ARHGEF4: variants seen among roughly 807,000 people sequenced by gnomAD.
The protein encoded by ARHGEF4 is Rho guanine nucleotide exchange factor 4.
Under a neutral mutation model 162.0 loss-of-function variants are expected in ARHGEF4, and 119 were observed. That is an observed-to-expected ratio of 0.73 (90% CI 0.63 to 0.86). ARHGEF4 has a LOEUF of 0.86. Among genes scored for constraint, ARHGEF4 ranks in the 40% least tolerant of loss-of-function variants. The pLI, the probability that ARHGEF4 is intolerant of heterozygous loss-of-function variation, is 0.00. For synonymous variants in ARHGEF4, 1,014 were observed against 979.9 expected, an observed-to-expected ratio of 1.03 and a Z score of -0.65; for missense variants, 2,488 against 2,456.0, an observed-to-expected ratio of 1.01 and a Z score of -0.28.
chr2:130,853,098 C>T (rs1681525827), intron 1 of ARHGEF4, among the ~76,000 whole-genome samples: 1 of 152,198 alleles, frequency 6.6e-6, no homozygotes, highest in Non-Finnish European at 1.5e-5. Context: ...GGGGCTGTTT[C>T]TCAAATGTCC....
intron 1 of ARHGEF4, among the ~76,000 whole-genome samples, chr2:130,913,065 G>A (rs60555667): frequency 1.1e-4 from 16 of 152,110 alleles, no homozygotes; most frequent in Admixed American, 4.6e-4. Flanking sequence ...TTCGGTACTG[G>A]GGGGGAGTGG....
At chr2:130,883,569 G>T (rs1057050471) in intron 1 of ARHGEF4, among the ~76,000 whole-genome samples, 11 of 152,152 alleles carry the variant, frequency 7.2e-5, no homozygotes, top group Non-Finnish European at 1.3e-4. Context: ...TGTCTTGCAT[G>T]GTGTTGACTT....
At chr2:130,920,770 G>T (rs1681825687) in intron 2 of ARHGEF4, among the ~76,000 whole-genome samples, 1 of 152,154 alleles carries the variant, frequency 6.6e-6, no homozygotes, top group African/African-American at 2.4e-5. Flanking sequence ...TTTACTTCTA[G>T]ATTTCTTCCA....
intron 1 of ARHGEF4, among the ~76,000 whole-genome samples, chr2:130,883,045 C>T (rs1372741903): frequency 6.6e-6 from 1 of 152,098 alleles, no homozygotes; most frequent in African/African-American, 2.4e-5. Flanking sequence ...GATGCATCTC[C>T]TGTCCCCTTT....
intron 8 of ARHGEF4, 83 bp from the exon 9 acceptor site, chr2:131,041,147 G>A: frequency 7.5e-7 from 1 of 1,333,914 alleles, no homozygotes; most frequent in South Asian, 1.3e-5. Flanking sequence ...GAAATGTAGA[G>A]GCTCTTGCCC....
chr2:130,952,340 A>C (rs1684009754), intron 4 of ARHGEF4, among the ~76,000 whole-genome samples: 1 of 152,236 alleles, frequency 6.6e-6, no homozygotes, highest in African/African-American at 2.4e-5. Flanking sequence ...TCTTTTTAGC[A>C]GGCCTTTGAC....
At chr2:130,869,429 G>A (rs111811181) in intron 1 of ARHGEF4, among the ~76,000 whole-genome samples, 1 of 152,228 alleles carries the variant, frequency 6.6e-6, no homozygotes, top group Non-Finnish European at 1.5e-5. Context: ...CACTGGTGGT[G>A]TCACTGACTG....
chr2:130,948,109 A>G (rs1176797270), intron 4 of ARHGEF4, among the ~76,000 whole-genome samples: 1 of 152,204 alleles, frequency 6.6e-6, no homozygotes, highest in Non-Finnish European at 1.5e-5. Flanking sequence ...ATGACGGTGC[A>G]TGATGGTTGG....
At chr2:130,952,096 T>A (rs758787336) in intron 4 of ARHGEF4, among the ~76,000 whole-genome samples, 17 of 152,192 alleles carry the variant, frequency 1.1e-4, no homozygotes, top group Non-Finnish European at 2.1e-4. Context: ...TATAATTACA[T>A]CATTACCTTT....
chr2:131,006,164 C>T (rs528933614), intron 4 of ARHGEF4, among the ~76,000 whole-genome samples: 1 of 152,224 alleles, frequency 6.6e-6, no homozygotes, highest in Non-Finnish European at 1.5e-5. Flanking sequence ...GACCTCAGTC[C>T]GACAGCACTC....
intron 4 of ARHGEF4, among the ~76,000 whole-genome samples, chr2:131,018,349 A>G (rs1441581653): frequency 6.6e-6 from 1 of 152,130 alleles, no homozygotes; most frequent in Non-Finnish European, 1.5e-5. Flanking sequence ...GTATGTCCTT[A>G]TTTATATGCT....
At chr2:130,977,564 G>A (rs1475574913) in intron 4 of ARHGEF4, among the ~76,000 whole-genome samples, 1 of 151,848 alleles carries the variant, frequency 6.6e-6, no homozygotes, top group Non-Finnish European at 1.5e-5. Context: ...TTTGTGTGTT[G>A]GGCATGTTAC....
At chr2:130,839,909 G>A (rs1054103385) in intron 1 of ARHGEF4, among the ~76,000 whole-genome samples, 5 of 152,090 alleles carry the variant, frequency 3.3e-5, no homozygotes, top group African/African-American at 1.2e-4. Context: ...TTTGCTACTT[G>A]GTTTCCTCCA....
Position 130,914,952 on chromosome 2 carries a change from A to C in ARHGEF4, c.1006A>C (p.Arg336=), listed in dbSNP as rs1388800017. ...LNCGHMRALV[R]AHSIAGFSPE... Reference sequence around the variant, plus strand: ...CTGTGGGCACATGAGGGCACTGGTCAGGGCCCATTCCATAGCAGGGTTTTC... The same window carrying C: ...CTGTGGGCACATGAGGGCACTGGTCCGGGCCCATTCCATAGCAGGGTTTTC... The change falls in exon 2 of 14, where the codon AGG becomes CGG. Residue 336 remains arginine, a synonymous_variant. Transcript: ENST00000409359. The C allele has an allele frequency of 6.5e-7, 1 of 1,549,068 alleles. No individual in the cohort carries two copies. The highest frequency in any genetic ancestry group is 2.0e-5 in the Admixed American group (1 of 50,936).
intron 1 of ARHGEF4, among the ~76,000 whole-genome samples, chr2:130,886,659 T>C (rs527515004): frequency 0.017 from 2,472 of 147,924 alleles, 84 homozygotes; most frequent in African/African-American, 0.058. Context: ...CCAGCCTGGG[T>C]GGCAGACCGA....
chr2:131,045,276 G>C (rs913814647), intron 12 of ARHGEF4, 93 bp from the exon 13 acceptor site: 1 of 1,206,348 alleles, frequency 8.3e-7, no homozygotes, highest in African/African-American at 1.5e-5. Context: ...AGTACATGAT[G>C]AGACCCTGGG....
intron 4 of ARHGEF4, among the ~76,000 whole-genome samples, chr2:130,976,332 C>CGTGTGT (rs978370319): frequency 2.8e-5 from 3 of 106,820 alleles, no homozygotes; most frequent in African/African-American, 8.8e-5. Flanking sequence ...GCCCCAGAAT[C>CGTGTGT]GTGTGTGTGT....
Position 131,011,947 on chromosome 2 carries a change from T to A in ARHGEF4, c.3986-15998T>A, listed in dbSNP as rs752669666. ...AGATGAAAAATGGTTGGATTCTGGA[T>A]AATAAAGTAAAGGTAGGGCTAGCTG... On this transcript the variant is annotated intron_variant, in intron 4 of 13. Coordinates refer to ENST00000409359, the MANE Select transcript of ARHGEF4 (RefSeq NM_001367493.1). 9.7e-5 allele frequency: 68 copies of A among 700,580 alleles called. No homozygotes were observed. In the South Asian group the frequency reaches 9.8e-4, roughly 10 times the overall value. 43.4% of individuals were successfully genotyped at this position (700,580 alleles called of 1,614,324 possible). A position where few individuals can be genotyped will look rare whatever the true frequency, so the allele number is the denominator to read the frequency against.
chr2:130,941,115 G>A (rs1274734316), intron 3 of ARHGEF4, among the ~76,000 whole-genome samples: 1 of 152,070 alleles, frequency 6.6e-6, no homozygotes, highest in Admixed American at 6.6e-5. Context: ...GAAATGACCT[G>A]AGAAAACGTT....
Sources: gnomAD v4.1 joint callset for allele counts (sites outside exome capture counted in the v4.1 genomes callset) on GRCh38, gnomAD v4.1.1 for gene constraint, MANE v1.5 for transcripts, NCBI Gene and HGNC (gene_info 2026-07-23, HGNC 2026-07-21) for gene names.